The following TAFA2 variants were observed in gnomAD, a reference collection of about 807,000 sequenced individuals.
The protein encoded by TAFA2 is TAFA chemokine like family member 2.
In TAFA2, 7 loss-of-function variants were observed where a neutral mutation model predicts 18.8. The observed-to-expected ratio is 0.37, with a 90% CI of 0.21 to 0.70. TAFA2 has a LOEUF of 0.70. Among genes scored for constraint, TAFA2 ranks in the 30% least tolerant of loss-of-function variants. The pLI is 0.53. For missense variants in TAFA2, 122 were observed against 158.1 expected, an observed-to-expected ratio of 0.77 and a Z score of 1.23; for synonymous variants, 60 against 54.2, an observed-to-expected ratio of 1.11 and a Z score of -0.47.
chr12:61,742,565 T>C (rs1333135638), intron 4 of TAFA2, among the ~76,000 whole-genome samples: 3 of 152,114 alleles, frequency 2.0e-5, no homozygotes, highest in Non-Finnish European at 4.4e-5. Flanking sequence ...ACATTAGTTG[T>C]TAAAATGTCT....
intron 1 of TAFA2, among the ~76,000 whole-genome samples, chr12:61,872,654 T>C (rs1249835314): frequency 6.6e-6 from 1 of 152,136 alleles, no homozygotes; most frequent in Non-Finnish European, 1.5e-5. Flanking sequence ...TTCACATCCC[T>C]GTACCCCAGG....
intron 4 of TAFA2, among the ~76,000 whole-genome samples, chr12:61,726,945 T>C (rs146051713): frequency 6.4e-4 from 97 of 152,250 alleles, no homozygotes; most frequent in African/African-American, 2.2e-3. Context: ...AAAGTGATGA[T>C]AGATTTTGTC....
chr12:61,859,381 G>A (rs746503572), intron 2 of TAFA2, among the ~76,000 whole-genome samples: 16 of 152,186 alleles, frequency 1.1e-4, no homozygotes, highest in Admixed American at 9.2e-4. Context: ...CCAATTCAAG[G>A]TAATGTTTGG....
chr12:62,194,202 A>G (rs1401213385), upstream of TAFA2, among the ~76,000 whole-genome samples: 9 of 152,160 alleles, frequency 5.9e-5, no homozygotes, highest in Non-Finnish European at 1.2e-4. Flanking sequence ...GCTGTGTTCA[A>G]TAGTGTGATG....
rs932424931 is a variant in TAFA2 at position 62,189,825 on chromosome 12, T to C, written c.-2+1434A>G. Among the ~76,000 whole-genome samples the C allele has an allele frequency of 3.3e-5, 5 of 152,156 alleles. No individual in the cohort carries two copies. In the East Asian group the frequency reaches 9.6e-4, roughly 29 times the overall value. On this transcript the variant is annotated intron_variant, in intron 1 of 4. Coordinates refer to ENST00000416284, the MANE Select transcript of TAFA2 (RefSeq NM_178539.5). ...TCTAGTTGAGAAGACAAGAATCAGA[T>C]AATTATCATTCAGTCAATAGTAACT...
intron 1 of TAFA2, among the ~76,000 whole-genome samples, chr12:62,185,450 G>A (rs2062579726): frequency 6.6e-6 from 1 of 152,076 alleles, no homozygotes; most frequent in Non-Finnish European, 1.5e-5. Context: ...AAACAAAGCT[G>A]GAGAACCCAA....
intron 1 of TAFA2, among the ~76,000 whole-genome samples, chr12:61,895,480 C>T (rs1325137347): frequency 6.6e-6 from 1 of 152,124 alleles, no homozygotes; most frequent in African/African-American, 2.4e-5. Context: ...ACTCCAGGCT[C>T]TTATGGCTAA....
chr12:61,855,516 G>C (rs967753942), intron 2 of TAFA2, among the ~76,000 whole-genome samples: 1 of 151,956 alleles, frequency 6.6e-6, no homozygotes, highest in Non-Finnish European at 1.5e-5. Context: ...GAGACAGTTA[G>C]CTTTCTATGA....
chr12:62,026,355 C>G (rs1881309742), intron 1 of TAFA2, among the ~76,000 whole-genome samples: 1 of 152,034 alleles, frequency 6.6e-6, no homozygotes, highest in East Asian at 1.9e-4. Context: ...AGCGCCCCTG[C>G]TTGGATTCCC....
intron 1 of TAFA2, among the ~76,000 whole-genome samples, chr12:62,233,066 C>CTCTTTTTTTTT (rs2062819516): frequency 2.3e-4 from 9 of 39,572 alleles, no homozygotes; most frequent in African/African-American, 8.5e-4. Context: ...TTCTGCATCT[C>CTCTTTTTTTTT]TTTTTTTTTT....
intron 2 of TAFA2, among the ~76,000 whole-genome samples, chr12:61,836,739 A>ATGTATATG (rs1408943862): frequency 7.7e-6 from 1 of 130,366 alleles, no homozygotes; most frequent in Non-Finnish European, 1.7e-5. Context: ...TTTGATATAT[A>ATGTATATG]TATATATATA....
At chr12:62,166,662 A>T (rs1565767494) in intron 1 of TAFA2, among the ~76,000 whole-genome samples, 1 of 152,184 alleles carries the variant, frequency 6.6e-6, no homozygotes, top group Non-Finnish European at 1.5e-5. Flanking sequence ...CAATTGCCAG[A>T]AGGGGATTGT....
chr12:62,140,603 T>C (rs192908465), intron 1 of TAFA2, among the ~76,000 whole-genome samples: 9 of 152,328 alleles, frequency 5.9e-5, no homozygotes, highest in Admixed American at 2.6e-4. Flanking sequence ...GGTTAATCTC[T>C]AATAAATATC....
At chr12:62,095,987 T>C (rs1452841382) in intron 1 of TAFA2, among the ~76,000 whole-genome samples, 1 of 152,076 alleles carries the variant, frequency 6.6e-6, no homozygotes, top group African/African-American at 2.4e-5. Flanking sequence ...AAGCAAACTT[T>C]TACAAAGACT....
intron 1 of TAFA2, among the ~76,000 whole-genome samples, chr12:62,190,816 C>T (rs776643259): frequency 1.4e-4 from 22 of 152,128 alleles, no homozygotes; most frequent in Non-Finnish European, 2.9e-4. Context: ...GAAAGATGAC[C>T]TGACACATCC....
At chr12:62,094,210 A>G (rs1868844792) in intron 1 of TAFA2, among the ~76,000 whole-genome samples, 1 of 152,086 alleles carries the variant, frequency 6.6e-6, no homozygotes, top group Admixed American at 6.6e-5. Context: ...TTATTAAGAA[A>G]TAATTTTAGC....
intron 1 of TAFA2, among the ~76,000 whole-genome samples, chr12:62,020,602 T>A (rs547750598): frequency 7.6e-4 from 115 of 152,208 alleles, no homozygotes; most frequent in Non-Finnish European, 1.3e-3. Flanking sequence ...AAGGTGAAAA[T>A]TATCTACCTA....
At chr12:62,148,553 G>A (rs2062304106) in intron 1 of TAFA2, among the ~76,000 whole-genome samples, 1 of 152,116 alleles carries the variant, frequency 6.6e-6, no homozygotes, top group African/African-American at 2.4e-5. Context: ...AGAGGGGAAG[G>A]AGGAAGGAGG....
At chr12:62,219,672 A>G (rs1372159343) in intron 1 of TAFA2, among the ~76,000 whole-genome samples, 1 of 152,220 alleles carries the variant, frequency 6.6e-6, no homozygotes, top group Non-Finnish European at 1.5e-5. Context: ...CACCAAATTT[A>G]CAATTAAATC....
Sources: gnomAD v4.1 joint callset for allele counts (sites outside exome capture counted in the v4.1 genomes callset) on GRCh38, gnomAD v4.1.1 for gene constraint, MANE v1.5 for transcripts, NCBI Gene and HGNC (gene_info 2026-07-23, HGNC 2026-07-21) for gene names.